AOPEP: variants seen among roughly 807,000 people sequenced by gnomAD.
AOPEP encodes aminopeptidase O.
Under a neutral mutation model 98.1 loss-of-function variants are expected in AOPEP, and 77 were observed. The ratio of observed to expected loss-of-function variants is 0.78; its 90% CI spans 0.65 to 0.95. The LOEUF (loss-of-function observed/expected upper bound fraction) is 0.95, where lower values mean the gene tolerates loss of function less well. Among genes scored for constraint, AOPEP ranks in the 40% least tolerant of loss-of-function variants. The probability of loss-of-function intolerance (pLI) is 0.00; values close to 1 mark genes in which losing one functional copy is unlikely to be tolerated. For missense variants in AOPEP, 1,024 were observed against 1,024.7 expected, an observed-to-expected ratio of 1.00 and a Z score of 0.01; for synonymous variants, 346 against 365.3, an observed-to-expected ratio of 0.95 and a Z score of 0.60.
intron 5 of AOPEP, among the ~76,000 whole-genome samples, chr9:94,909,897 G>A (rs191359656): frequency 1.2e-4 from 19 of 152,264 alleles, no homozygotes; most frequent in African/African-American, 4.1e-4. Flanking sequence ...GCTGGGTCTT[G>A]CTTTCTCATC....
At chr9:94,872,608 T>C (rs572730077) in intron 5 of AOPEP, among the ~76,000 whole-genome samples, 1 of 152,350 alleles carries the variant, frequency 6.6e-6, no homozygotes, top group African/African-American at 2.4e-5. Context: ...CTAAAACTCC[T>C]TTAACCTCAA....
chr9:94,787,726 A>G (rs1347912961), intron 3 of AOPEP, among the ~76,000 whole-genome samples: 1 of 152,114 alleles, frequency 6.6e-6, no homozygotes. Flanking sequence ...GATTAGTTCA[A>G]TTATTTTACA....
chr9:95,137,661 T>C, the AOPEP span, among the ~76,000 whole-genome samples: 2 of 152,140 alleles, frequency 1.3e-5, no homozygotes, highest in Non-Finnish European at 1.5e-5. Context: ...AGATATTCAA[T>C]AGGTCCTTGA....
In AOPEP at chr9:94,878,018, A is replaced by G. The variant is rs77540003; in HGVS notation, c.1365-45968A>G. 2.0e-3 allele frequency among the ~76,000 whole-genome samples: 300 copies of G among 152,186 alleles called. 3 individuals are homozygous for G. The highest frequency in any genetic ancestry group is 6.6e-3 in the African/African-American group (273 of 41,502). On this transcript the variant is annotated intron_variant, in intron 5 of 16. Transcript: ENST00000375315. ...CCATTGGGAACATGGAGAGGCATCA[A>G]TGGAATTGTTTTCTGATTTTTTGGC... is the stretch of plus-strand genomic sequence containing the variant.
chr9:95,139,010 C>T, the AOPEP span, among the ~76,000 whole-genome samples: 181 of 152,330 alleles, frequency 1.2e-3, 1 homozygote, highest in Non-Finnish European at 7.6e-4. Flanking sequence ...ACCTCAGTGA[C>T]TTAACTCTTT....
intron 16 of AOPEP, chr9:95,082,993 C>T: frequency 2.5e-6 from 1 of 401,068 alleles, no homozygotes. Flanking sequence ...ACTATTTTGG[C>T]CACTTCAGGT....
chr9:95,006,582 C>G (rs527272404), intron 13 of AOPEP, among the ~76,000 whole-genome samples: 1 of 152,260 alleles, frequency 6.6e-6, no homozygotes, highest in Admixed American at 6.5e-5. Context: ...TCTGAGAGAG[C>G]TGGAAAAGGA....
chr9:94,761,816 T>G (rs1172160971), intron 2 of AOPEP, among the ~76,000 whole-genome samples: 1 of 152,230 alleles, frequency 6.6e-6, no homozygotes, highest in Non-Finnish European at 1.5e-5. Flanking sequence ...GAATACCTTA[T>G]TAGATAGTTT....
intron 5 of AOPEP, among the ~76,000 whole-genome samples, chr9:94,869,697 G>A (rs2046101278): frequency 6.6e-6 from 1 of 152,134 alleles, no homozygotes; most frequent in Non-Finnish European, 1.5e-5. Flanking sequence ...AGCCAGATAC[G>A]GCTCGTGTTA....
rs140255172 is a variant in AOPEP, at chr9:94,825,704, C to T, written c.1364+24702C>T. Among the ~76,000 whole-genome samples, 5 of 152,176 alleles carry T rather than the reference C, an allele frequency of 3.3e-5. No homozygotes were observed. In the East Asian group the frequency reaches 5.8e-4, roughly 18 times the overall value. On this transcript the variant is annotated intron_variant, in intron 5 of 16. Transcript: ENST00000375315. ...TTAATAGGGTTCTTTGTGATGCTACCGTGGAAGAGAGACTGTTTTATTCCA... is the reference window on the plus strand; with the variant it reads ...TTAATAGGGTTCTTTGTGATGCTACTGTGGAAGAGAGACTGTTTTATTCCA...
intron 11 of AOPEP, among the ~76,000 whole-genome samples, chr9:95,004,617 G>T (rs1164328990): frequency 4.6e-5 from 7 of 152,074 alleles, no homozygotes. Context: ...TACGGGCGGG[G>T]TTCCTTCCCC....
rs74636871 is a variant in AOPEP, at chr9:95,083,126, C to T, written c.*4+407C>T. On this transcript the variant is annotated intron_variant, in intron 16 of 16. Coordinates refer to ENST00000375315, the MANE Select transcript of AOPEP (RefSeq NM_001193329.3). ...GTCACGGCTGATACAGGAGTTTAAGCGGCCGTGTGACTCCAAAGCCTAGCT... is the reference window on the plus strand; with the variant it reads ...GTCACGGCTGATACAGGAGTTTAAGTGGCCGTGTGACTCCAAAGCCTAGCT... The T allele has an allele frequency of 1.5e-3, 266 of 177,094 alleles. 2 individuals are homozygous for T. Among genetic ancestry groups the T allele is most frequent in the African/African-American group, 6.0e-3 (253 of 41,964 alleles). 11.0% of individuals were successfully genotyped at this position (177,094 alleles called of 1,614,324 possible). A position where few individuals can be genotyped will look rare whatever the true frequency, so the allele number is the denominator to read the frequency against.
At chr9:94,868,853 G>A (rs1588627498) in intron 5 of AOPEP, among the ~76,000 whole-genome samples, 1 of 152,126 alleles carries the variant, frequency 6.6e-6, no homozygotes, top group East Asian at 1.9e-4. Flanking sequence ...AATGTATTTA[G>A]TATTGCTTGC....
chr9:94,773,792 GTCTC>G lies in AOPEP; in HGVS notation c.964+625_964+628del, dbSNP rs555225960. On this transcript the variant is annotated intron_variant, in intron 3 of 16. Coordinates refer to ENST00000375315, the MANE Select transcript of AOPEP (RefSeq NM_001193329.3). ...AAAATTTGTTTATTTGAGAGACAGG[GTCTC>G]GCTCTGTTGCCCGGGCTGGAGTGCA... Among the ~76,000 whole-genome samples the G allele has an allele frequency of 2.0e-3, 310 of 152,282 alleles. 2 individuals carry two copies. The highest frequency in any genetic ancestry group is 7.1e-3 in the African/African-American group (295 of 41,570).
chr9:95,120,884 C>T, the AOPEP span, among the ~76,000 whole-genome samples: 1 of 151,808 alleles, frequency 6.6e-6, no homozygotes, highest in Non-Finnish European at 1.5e-5. Context: ...TTTTTTTGTT[C>T]CTTTGGCAGC....
At chr9:94,790,205 C>T (rs766972471) in intron 3 of AOPEP, among the ~76,000 whole-genome samples, 11 of 149,730 alleles carry the variant, frequency 7.3e-5, no homozygotes, top group Non-Finnish European at 8.9e-5. Context: ...GACCGAGTCT[C>T]ACCCAGGCTG....
At chr9:94,897,606 A>G (rs2049749728) in intron 5 of AOPEP, among the ~76,000 whole-genome samples, 1 of 152,228 alleles carries the variant, frequency 6.6e-6, no homozygotes, top group African/African-American at 2.4e-5. Context: ...AAGAAATACA[A>G]AAAGAAATAC....
the AOPEP span, chr9:95,107,103 G>C: frequency 6.2e-7 from 1 of 1,614,228 alleles, no homozygotes; most frequent in Non-Finnish European, 8.5e-7. Context: ...GTGGCCTCCA[G>C]GAGCCCAGAG....
intron 1 of AOPEP, among the ~76,000 whole-genome samples, chr9:94,740,951 A>C (rs1039578295): frequency 6.6e-6 from 1 of 152,256 alleles, no homozygotes. Context: ...GAACTCAGTA[A>C]GCATCAGCTG....
Sources: gnomAD v4.1 joint callset for allele counts (sites outside exome capture counted in the v4.1 genomes callset) on GRCh38, gnomAD v4.1.1 for gene constraint, MANE v1.5 for transcripts, NCBI Gene and HGNC (gene_info 2026-07-23, HGNC 2026-07-21) for gene names.